The following NRXN1 variants were observed in gnomAD, a reference collection of about 807,000 sequenced individuals.
NRXN1 encodes the protein neurexin 1, also known as neurexin-1.
NRXN1 carries 39 observed loss-of-function variants against 150.9 expected under a neutral mutation model. That is an observed-to-expected ratio of 0.26 (90% confidence interval 0.20 to 0.34). The LOEUF is 0.34. NRXN1 is among the 10% of genes least tolerant of loss of function. NRXN1 has a pLI of 1.00. For missense variants in NRXN1, 1,815 were observed against 1,949.9 expected (o/e 0.93, Z 1.30); for synonymous variants, 924 against 757.0 (o/e 1.22, Z -3.62).
At chr2:50,262,400 T>C (rs1394821748) in intron 17 of NRXN1, among the ~76,000 whole-genome samples, 1 of 151,878 alleles carries the variant, frequency 6.6e-6, no homozygotes, top group Non-Finnish European at 1.5e-5. Context: ...TCCATAGAAA[T>C]AGTAGTCTAA....
intron 19 of NRXN1, among the ~76,000 whole-genome samples, chr2:50,059,386 T>G (rs1023284698): frequency 6.6e-6 from 1 of 152,208 alleles, no homozygotes; most frequent in Admixed American, 6.5e-5. Flanking sequence ...AGCATTCAGT[T>G]TTATTCATTT....
At chr2:50,569,318 G>A (rs1350126180) in intron 8 of NRXN1, among the ~76,000 whole-genome samples, 1 of 151,996 alleles carries the variant, frequency 6.6e-6, no homozygotes, top group Non-Finnish European at 1.5e-5. Flanking sequence ...ACACAGGAAA[G>A]GATAAATGCT....
chr2:50,050,774 T>C (rs1265303815), intron 21 of NRXN1, among the ~76,000 whole-genome samples: 2 of 106,280 alleles, frequency 1.9e-5, no homozygotes, highest in East Asian at 2.9e-4. Flanking sequence ...AATAAATTGC[T>C]TTCTTCCCTA....
chr2:50,879,101 T>C (rs982481511), intron 5 of NRXN1, among the ~76,000 whole-genome samples: 1 of 151,916 alleles, frequency 6.6e-6, no homozygotes, highest in African/African-American at 2.4e-5. Context: ...CAGATGACCC[T>C]ACATAGTGTG....
At chr2:50,181,314 C>T (rs2060697847) in intron 18 of NRXN1, among the ~76,000 whole-genome samples, 1 of 150,324 alleles carries the variant, frequency 6.7e-6, no homozygotes, top group Non-Finnish European at 1.5e-5. Flanking sequence ...TCCTCTGAGG[C>T]AAAAAAAAAA....
At chr2:50,854,487 G>T (rs1674973857) in intron 5 of NRXN1, among the ~76,000 whole-genome samples, 1 of 152,030 alleles carries the variant, frequency 6.6e-6, no homozygotes, top group Non-Finnish European at 1.5e-5. Context: ...AGTACATTCT[G>T]AATAGCAATA....
chr2:50,927,474 TTTTG>T (rs1328303101), intron 2 of NRXN1, among the ~76,000 whole-genome samples: 3 of 152,064 alleles, frequency 2.0e-5, no homozygotes, highest in Admixed American at 6.6e-5. Flanking sequence ...TCTAGTTTGT[TTTTG>T]TTTGTTTTTT....
rs141933878 is a variant in NRXN1, at chr2:50,279,233, T to A, written c.3365-42263A>T. On this transcript the variant is annotated intron_variant, in intron 17 of 22. Coordinates refer to ENST00000401669, the MANE Select transcript of NRXN1 (RefSeq NM_001330078.2). ...GATACAGTTATCTATAAAACAGCCC[T>A]AAGGTACTGGTCATCATCAAATTTA... 3.0e-4 allele frequency among the ~76,000 whole-genome samples: 46 copies of A among 152,272 alleles called. 1 individual carries two copies. The highest frequency in any genetic ancestry group is 1.1e-3 in the African/African-American group (44 of 41,556).
At chr2:50,277,616 T>C (rs1283970989) in intron 17 of NRXN1, among the ~76,000 whole-genome samples, 1 of 152,024 alleles carries the variant, frequency 6.6e-6, no homozygotes, top group East Asian at 1.9e-4. Context: ...CATCTTTGTT[T>C]TGATCACCAA....
At chr2:49,983,813 C>T in intron 21 of NRXN1, among the ~76,000 whole-genome samples, 1 of 152,134 alleles carries the variant, frequency 6.6e-6, no homozygotes, top group East Asian at 1.9e-4. Flanking sequence ...ATTATTCTAA[C>T]ATATATCACT....
At chr2:50,236,721 A>T in intron 18 of NRXN1, 68 bp downstream of exon 18, 1 of 1,494,608 alleles carries the variant, frequency 6.7e-7, no homozygotes, top group South Asian at 1.2e-5. Context: ...AAGAAGCAAA[A>T]TTATAAATTC....
intron 21 of NRXN1, among the ~76,000 whole-genome samples, chr2:49,979,076 A>T (rs913378672): frequency 1.3e-5 from 2 of 152,154 alleles, no homozygotes; most frequent in African/African-American, 4.8e-5. Flanking sequence ...AAGCAGGTGG[A>T]TCACAAGATC....
intron 15 of NRXN1, among the ~76,000 whole-genome samples, chr2:50,478,631 T>A (rs1309201575): frequency 1.3e-5 from 2 of 152,234 alleles, no homozygotes; most frequent in Non-Finnish European, 2.9e-5. Context: ...CAATCTATTT[T>A]TGCTTCTGTA....
intron 17 of NRXN1, among the ~76,000 whole-genome samples, chr2:50,296,005 T>C (rs1389946981): frequency 1.3e-5 from 2 of 152,188 alleles, no homozygotes; most frequent in Non-Finnish European, 2.9e-5. Context: ...ATGCAAAATA[T>C]AGAATGATTG....
rs182716290 is a variant in NRXN1, at chr2:50,909,258, A to G, written c.832+12611T>C. The stretch of plus-strand genomic sequence containing the variant: ...CTTTTTAATAATTAAACCTCTCCTT[A>G]AAACATTATGACTTTATGAGGTAAC... On this transcript the variant is annotated intron_variant, in intron 5 of 22. Coordinates refer to ENST00000401669, the MANE Select transcript of NRXN1 (RefSeq NM_001330078.2). 2.0e-4 allele frequency among the ~76,000 whole-genome samples: 31 copies of G among 152,146 alleles called. No individual in the cohort carries two copies. The East Asian group carries it at 6.0e-3, about 30-fold the overall frequency.
intron 5 of NRXN1, among the ~76,000 whole-genome samples, chr2:50,860,757 G>A (rs1676009576): frequency 1.3e-5 from 2 of 152,168 alleles, no homozygotes; most frequent in Middle Eastern, 3.4e-3. Flanking sequence ...ACTGAAAAGC[G>A]ATGACCCAGA....
At chr2:50,484,301 C>T (rs2090709134) in intron 15 of NRXN1, among the ~76,000 whole-genome samples, 1 of 151,992 alleles carries the variant, frequency 6.6e-6, no homozygotes, top group Non-Finnish European at 1.5e-5. Flanking sequence ...TCCTTCTGTG[C>T]TCGAAAGATG....
chr2:50,682,218 C>T (rs4641976), intron 5 of NRXN1, among the ~76,000 whole-genome samples: 17,734 of 152,166 alleles, frequency 0.12, 1,485 homozygotes, highest in East Asian at 0.31. Flanking sequence ...TATGTAGATG[C>T]CCCAGCAAAT....
At chr2:50,184,571 A>T (rs991361047) in intron 18 of NRXN1, among the ~76,000 whole-genome samples, 1 of 152,020 alleles carries the variant, frequency 6.6e-6, no homozygotes, top group African/African-American at 2.4e-5. Flanking sequence ...AATATTACTA[A>T]GAAGAAATTT....
Sources: gnomAD v4.1 joint callset for allele counts (sites outside exome capture counted in the v4.1 genomes callset) on GRCh38, gnomAD v4.1.1 for gene constraint, MANE v1.5 for transcripts, NCBI Gene and HGNC (gene_info 2026-07-23, HGNC 2026-07-21) for gene names.